Variants in SIL1 observed in about 807,000 individuals in gnomAD.
SIL1 encodes the protein SIL1 nucleotide exchange factor, also known as nucleotide exchange factor SIL1.
In SIL1, 40 loss-of-function variants were observed where a neutral mutation model predicts 49.1. The ratio of observed to expected loss-of-function variants is 0.81; its 90% confidence interval spans 0.63 to 1.06. The LOEUF (loss-of-function observed/expected upper bound fraction) is 1.06. SIL1 is among the 50% of genes least tolerant of loss of function. SIL1 has a pLI of 0.00. For missense variants in SIL1, 500 were observed against 572.6 expected, an observed-to-expected ratio of 0.87 and a Z score of 1.29; for synonymous variants, 253 against 250.8, an observed-to-expected ratio of 1.01 and a Z score of -0.08.
chr5:139,163,148 G>A (rs1751549739), intron 1 of SIL1, among the ~76,000 whole-genome samples: 1 of 151,960 alleles, frequency 6.6e-6, no homozygotes, highest in Non-Finnish European at 1.5e-5. Context: ...ATCGGAATAT[G>A]AAAGGCCTTA....
intron 5 of SIL1, among the ~76,000 whole-genome samples, chr5:139,031,631 T>C (rs958950542): frequency 2.6e-5 from 4 of 152,236 alleles, no homozygotes; most frequent in Admixed American, 2.0e-4. Flanking sequence ...AATAAGCTCA[T>C]CTACAAAAAA....
At chr5:139,168,319 G>C (rs994194441) in intron 1 of SIL1, among the ~76,000 whole-genome samples, 3 of 152,224 alleles carry the variant, frequency 2.0e-5, no homozygotes, top group African/African-American at 7.2e-5. Flanking sequence ...TCCAGGGAAA[G>C]GCCTTGATGG....
rs370693987 is a variant in SIL1 at position 138,997,990 on chromosome 5, T to C, written c.767+23181A>G. ...TTTAGAATCGTCTCTTTTATTTCTC[T>C]GAAGAATTGCACTGGTATTTTGATA... On this transcript the variant is annotated intron_variant, in intron 7 of 9. Coordinates refer to ENST00000394817, the MANE Select transcript of SIL1 (RefSeq NM_022464.5). Among the ~76,000 whole-genome samples, 137 of 152,360 alleles carry C rather than the reference T, an allele frequency of 9.0e-4. 3 individuals are homozygous for C. The East Asian group carries it at 0.02, about 23-fold the overall frequency.
At chr5:139,176,198 T>C (rs1751879805) in intron 1 of SIL1, among the ~76,000 whole-genome samples, 1 of 152,152 alleles carries the variant, frequency 6.6e-6, no homozygotes, top group East Asian at 1.9e-4. Context: ...TTTCCTTCAG[T>C]TTCCAATAAC....
chr5:139,177,124 G>C (rs1751901239), intron 1 of SIL1, among the ~76,000 whole-genome samples: 1 of 151,944 alleles, frequency 6.6e-6, no homozygotes, highest in Non-Finnish European at 1.5e-5. Context: ...AGTAGAGATG[G>C]GGTTTCACCA....
intron 7 of SIL1, among the ~76,000 whole-genome samples, chr5:139,013,007 CTTAAATATCTTTT>C (rs1157778933): frequency 6.6e-6 from 1 of 152,214 alleles, no homozygotes; most frequent in African/African-American, 2.4e-5. Context: ...TGATATTCAT[CTTAAATATCTTTT>C]AATTTATGGG....
intron 6 of SIL1, among the ~76,000 whole-genome samples, chr5:139,026,296 C>T (rs1166808779): frequency 6.6e-6 from 1 of 152,094 alleles, no homozygotes; most frequent in Admixed American, 6.5e-5. Flanking sequence ...GAAGGTACCA[C>T]TCCACATGAA....
intron 7 of SIL1, among the ~76,000 whole-genome samples, chr5:138,962,684 G>A (rs1767046568): frequency 6.6e-6 from 1 of 152,218 alleles, no homozygotes. Context: ...TCAGAAGGGA[G>A]AGGAGCTATC....
chr5:138,947,034 T>C lies in SIL1; in HGVS notation c.*83A>G. 1 of 1,029,566 alleles carries C rather than the reference T, an allele frequency of 9.7e-7. No homozygotes were observed. Among genetic ancestry groups the C allele is most frequent in the South Asian group, 1.4e-5 (1 of 73,846 alleles). The allele number at this position is 1,029,566 out of a possible 1,614,324, so 63.8% of individuals were successfully genotyped here. ...AATGGCCAAGCCAGCACTGCCAAGA[T>C]GTCCTCCTGCCTGAGAAGCCCACCC... On this transcript the variant is annotated 3_prime_UTR_variant, in exon 10 of 10. Transcript: ENST00000394817. The surrounding 1 kb of genome is among the most constrained non-coding windows in gnomAD (Gnocchi z 4.1).
At chr5:138,971,373 T>G (rs1767266039) in intron 7 of SIL1, among the ~76,000 whole-genome samples, 1 of 152,128 alleles carries the variant, frequency 6.6e-6, no homozygotes, top group Non-Finnish European at 1.5e-5. Flanking sequence ...CTGCTGCTTG[T>G]ACTTCTAAAA....
At chr5:138,992,261 C>A (rs973067698) in intron 7 of SIL1, among the ~76,000 whole-genome samples, 1 of 152,226 alleles carries the variant, frequency 6.6e-6, no homozygotes, top group Non-Finnish European at 1.5e-5. Context: ...GAACCCCACT[C>A]AAGACCTTCA....
rs1581064728 is a variant in SIL1, at chr5:139,056,450, G to C, written c.245-5404C>G. On this transcript the variant is annotated intron_variant, in intron 3 of 9. Transcript: ENST00000394817. The stretch of plus-strand genomic sequence containing the variant: ...CTCCGCCCGGCAGCCACCCCGTCTG[G>C]GAAGTGAGGAGCGTCTCCGCCCGGC... Among the ~76,000 whole-genome samples, 3 of 151,284 alleles carry C rather than the reference G, an allele frequency of 2.0e-5. No homozygotes were observed. The East Asian group carries it at 6.0e-4, about 30-fold the overall frequency.
In SIL1 at chr5:138,954,455, C is replaced by A. The variant is rs563124590; in HGVS notation, c.768-2571G>T. 5.2e-4 allele frequency among the ~76,000 whole-genome samples: 79 copies of A among 152,364 alleles called. 1 individual carries two copies. Among genetic ancestry groups the A allele is most frequent in the African/African-American group, 1.9e-3 (78 of 41,586 alleles). On this transcript the variant is annotated intron_variant, in intron 7 of 9. Coordinates refer to ENST00000394817, the MANE Select transcript of SIL1 (RefSeq NM_022464.5). ...ACCCTGGGAACTCCAGGCCTTACCC[C>A]AGGGTTCCCACAGCTTCAGGAGTTT...
intron 3 of SIL1, among the ~76,000 whole-genome samples, chr5:139,100,088 T>A (rs1770554519): frequency 6.6e-6 from 1 of 152,190 alleles, no homozygotes; most frequent in Non-Finnish European, 1.5e-5. Context: ...TAACATGAAA[T>A]TTTTTTAAAA....
At chr5:139,008,412 G>A (rs1382597973) in intron 7 of SIL1, among the ~76,000 whole-genome samples, 2 of 124,280 alleles carry the variant, frequency 1.6e-5, no homozygotes, top group Admixed American at 1.5e-4. Flanking sequence ...CAAAAAACCA[G>A]CTCCTGGATT....
chr5:138,988,169 C>CA (rs1243756594), intron 7 of SIL1, among the ~76,000 whole-genome samples: 1 of 152,170 alleles, frequency 6.6e-6, no homozygotes, highest in Non-Finnish European at 1.5e-5. Flanking sequence ...ATTGTAAAGA[C>CA]AAAGCATTTG....
intron 3 of SIL1, among the ~76,000 whole-genome samples, chr5:139,094,253 C>T (rs1770406522): frequency 6.6e-6 from 1 of 152,208 alleles, no homozygotes; most frequent in Admixed American, 6.5e-5. Context: ...AAACTCCTCA[C>T]ACACCTTAAG....
intron 3 of SIL1, among the ~76,000 whole-genome samples, chr5:139,104,170 G>A (rs1399361694): frequency 6.6e-6 from 1 of 152,234 alleles, no homozygotes; most frequent in Non-Finnish European, 1.5e-5. Context: ...CTCTGCTGTA[G>A]CTGTGAGCCT....
intron 3 of SIL1, among the ~76,000 whole-genome samples, chr5:139,059,218 T>TG (rs1390720723): frequency 1.3e-5 from 2 of 152,092 alleles, no homozygotes; most frequent in Non-Finnish European, 2.9e-5. Context: ...AATTAAATCA[T>TG]GGGGGTGGGT....
Sources: allele counts gnomAD v4.1 joint callset (sites outside exome capture counted in the v4.1 genomes callset), GRCh38; gene constraint gnomAD v4.1.1; non-coding constraint Gnocchi (gnomAD v3.1); transcripts MANE v1.5; gene names NCBI Gene and HGNC (gene_info 2026-07-23, HGNC 2026-07-21).